Variants in UBE2Q2 observed in about 807,000 individuals in gnomAD.
UBE2Q2 encodes the protein ubiquitin-conjugating enzyme E2 Q2.
In UBE2Q2, 54 loss-of-function variants were observed where a neutral mutation model predicts 59.9. That is an observed-to-expected ratio of 0.90 (90% CI 0.72 to 1.13). UBE2Q2 has a LOEUF of 1.13. Ranked by LOEUF, UBE2Q2 falls within the 50% of genes most tolerant of loss-of-function variation. UBE2Q2 has a pLI of 0.00. For synonymous variants in UBE2Q2, 165 were observed against 155.2 expected (o/e 1.06, Z -0.47); for missense variants, 433 against 441.9 (o/e 0.98, Z 0.18).
intron 3 of UBE2Q2, among the ~76,000 whole-genome samples, chr15:75,867,084 C>T (rs1897530880): frequency 6.6e-6 from 1 of 152,268 alleles, no homozygotes; most frequent in Non-Finnish European, 1.5e-5. Context: ...GTGGCCTCCC[C>T]CTCCTGGTTT....
chr15:75,868,962 A>G lies in UBE2Q2; in HGVS notation c.399A>G (p.Thr133=), dbSNP rs1202911206. 33 of 1,612,988 alleles carry G rather than the reference A, an allele frequency of 2.0e-5. No individual in the cohort carries two copies. Among genetic ancestry groups the G allele is most frequent in the Non-Finnish European group, 2.8e-5 (33 of 1,179,256 alleles). ...TTTCTCTGTTTCAGAATGGGACAAC[A>G]GAAGAAGTGACTTCAGAAGAAGAGG... ...QPLPTGQNGT[T]EEVTSEEEEE... The change falls in exon 4 of 13, where the codon ACA becomes ACG. Residue 133 remains threonine (T), a synonymous_variant. Transcript: ENST00000267938.
intron 1 of UBE2Q2, among the ~76,000 whole-genome samples, chr15:75,849,896 T>C (rs1415315904): frequency 6.6e-6 from 1 of 152,224 alleles, no homozygotes; most frequent in Non-Finnish European, 1.5e-5. Context: ...CACCATTCAC[T>C]GTTTAAAAAC....
At position 75,843,704 on chromosome 15, in the gene UBE2Q2, T is replaced by C. The variant is rs779507056; in HGVS notation, c.38T>C (p.Leu13Pro). Reference protein sequence around the residue: ...VSGLKAELKFLASIFDKNHER... With the variant: ...VSGLKAELKFPASIFDKNHER... ...GGGCTCAAGGCCGAGCTGAAGTTCC[T>C]GGCGTCCATCTTCGACAAGAACCAC... The change falls in exon 1 of 13, where the codon CTG becomes CCG. Residue 13 changes from leucine (L) to proline (P), a missense_variant. Physicochemically the swap from Leu to Pro is moderately conservative, Grantham distance 98. Transcript: ENST00000267938. The C allele has an allele frequency of 6.2e-7, 1 of 1,611,314 alleles. No homozygotes were observed. Among genetic ancestry groups the C allele is most frequent in the Non-Finnish European group, 8.5e-7 (1 of 1,178,894 alleles).
rs775653896 is a variant in UBE2Q2, at chr15:75,876,445, TGA to T, written c.673+176_673+177del. Among the ~76,000 whole-genome samples, 260 of 152,338 alleles carry T rather than the reference TGA, an allele frequency of 1.7e-3. 1 individual carries two copies. The highest frequency in any genetic ancestry group is 2.9e-3 in the Non-Finnish European group (198 of 68,032). On this transcript the variant is annotated intron_variant, in intron 6 of 12. Transcript: ENST00000267938. ...CAAAAGATGTAGGAGTAAAATAGGA[TGA>T]GTTTACTTGTCTTTTGGATTTTTAA... is the stretch of plus-strand genomic sequence containing the variant.
At chr15:75,887,323 C>T (rs74024014) in intron 9 of UBE2Q2, among the ~76,000 whole-genome samples, 6,032 of 152,186 alleles carry the variant, frequency 0.04, 219 homozygotes, top group African/African-American at 0.094. Context: ...TAGGTGAGAT[C>T]CCAGCTGGGC....
At chr15:75,899,400 A>G (rs1447955318) in intron 12 of UBE2Q2, 27 bp from the exon 13 acceptor site, 1 of 1,533,076 alleles carries the variant, frequency 6.5e-7, no homozygotes, top group Non-Finnish European at 8.8e-7. Flanking sequence ...GAATTATTTT[A>G]ACTTTTTTTT....
intron 9 of UBE2Q2, among the ~76,000 whole-genome samples, chr15:75,884,531 G>A (rs1450185878): frequency 6.6e-6 from 1 of 152,100 alleles, no homozygotes; most frequent in African/African-American, 2.4e-5. Context: ...ATTTGGGCAT[G>A]GTGTCCATCT....
rs547644644 is a variant in UBE2Q2 at position 75,861,585 on chromosome 15, G to A, written c.387+1603G>A. On this transcript the variant is annotated intron_variant, in intron 3 of 12. Coordinates refer to ENST00000267938, the MANE Select transcript of UBE2Q2 (RefSeq NM_173469.4). ...TTTATTTGTTCATTTTGAAGTGTCCGTTAATGGGATTTTAGACCTCTTGTC... is the reference window on the plus strand; with the variant it reads ...TTTATTTGTTCATTTTGAAGTGTCCATTAATGGGATTTTAGACCTCTTGTC... Among the ~76,000 whole-genome samples, 375 of 152,012 alleles carry A rather than the reference G, an allele frequency of 2.5e-3. 2 individuals carry two copies. Among genetic ancestry groups the A allele is most frequent in the African/African-American group, 8.7e-3 (359 of 41,442 alleles).
chr15:75,874,388 G>A (rs2455900), intron 5 of UBE2Q2, among the ~76,000 whole-genome samples: 150,358 of 151,818 alleles, frequency 0.99, 74,474 homozygotes, highest in East Asian at 1. Context: ...GGTTCAAGCA[G>A]TTCTCCTGCC....
chr15:75,876,911 C>T (rs1032733744), intron 6 of UBE2Q2, among the ~76,000 whole-genome samples: 1 of 152,064 alleles, frequency 6.6e-6, no homozygotes, highest in African/African-American at 2.4e-5. Flanking sequence ...AATCCCTGCA[C>T]TTTGGGAGGC....
chr15:75,877,931 G>C (rs1898177553), intron 6 of UBE2Q2, 30 bp from the exon 7 acceptor site: 1 of 1,592,190 alleles, frequency 6.3e-7, no homozygotes, highest in South Asian at 1.1e-5. Context: ...ATGAAATGAA[G>C]AGTAGCTAAC....
chr15:75,894,010 A>G (rs1899254848), intron 11 of UBE2Q2, among the ~76,000 whole-genome samples: 1 of 152,210 alleles, frequency 6.6e-6, no homozygotes, highest in African/African-American at 2.4e-5. Context: ...TCATTCTCTG[A>G]TCTTAGTTAA....
chr15:75,855,299 T>C (rs932443406), intron 2 of UBE2Q2, among the ~76,000 whole-genome samples: 10 of 152,144 alleles, frequency 6.6e-5, no homozygotes, highest in Non-Finnish European at 1.5e-4. Context: ...GAGATCAGCC[T>C]GGCCAACATG....
intron 9 of UBE2Q2, among the ~76,000 whole-genome samples, chr15:75,888,124 G>T (rs75449835): frequency 3.3e-5 from 5 of 152,002 alleles, no homozygotes; most frequent in Non-Finnish European, 7.4e-5. Flanking sequence ...AAAACGCTTC[G>T]AAGTGTACAA....
chr15:75,869,320 A>G lies in UBE2Q2; in HGVS notation c.447+310A>G, dbSNP rs1481996913. On this transcript the variant is annotated intron_variant, in intron 4 of 12. Coordinates refer to ENST00000267938, the MANE Select transcript of UBE2Q2 (RefSeq NM_173469.4). ...TATTTGGTTATTTTTAGGAAGAGGAACTACTAAGTTTAAAAAATTTTATGT... is the reference window on the plus strand; with the variant it reads ...TATTTGGTTATTTTTAGGAAGAGGAGCTACTAAGTTTAAAAAATTTTATGT... Among the ~76,000 whole-genome samples the G allele has an allele frequency of 2.6e-5, 4 of 152,362 alleles. No homozygotes were observed. The East Asian group carries it at 7.7e-4, about 29-fold the overall frequency.
intron 1 of UBE2Q2, among the ~76,000 whole-genome samples, chr15:75,847,947 T>C (rs1179168657): frequency 1.3e-5 from 2 of 152,214 alleles, no homozygotes; most frequent in Non-Finnish European, 2.9e-5. Context: ...ATTGGTTAAT[T>C]AAATTTCTAT....
Position 75,853,623 on chromosome 15 carries a change from T to C in UBE2Q2, c.181-763T>C, listed in dbSNP as rs867346098. Among the ~76,000 whole-genome samples, 42 of 152,308 alleles carry C rather than the reference T, an allele frequency of 2.8e-4. 1 individual carries two copies. Among genetic ancestry groups the C allele is most frequent in the African/African-American group, 9.9e-4 (41 of 41,564 alleles). ...TATGGTATTTGAATTACTTTTCTATTGCTCTGTAACAAATTTATCAGCTTA... is the reference window on the plus strand; with the variant it reads ...TATGGTATTTGAATTACTTTTCTATCGCTCTGTAACAAATTTATCAGCTTA... On this transcript the variant is annotated intron_variant, in intron 1 of 12. Transcript: ENST00000267938.
intron 5 of UBE2Q2, 61 bp downstream of exon 5, chr15:75,873,629 C>T (rs1331705558): frequency 6.5e-7 from 1 of 1,537,150 alleles, no homozygotes; most frequent in African/African-American, 1.4e-5. Context: ...TAGTTAATAC[C>T]AGGCAATTCA....
chr15:75,885,701 G>A (rs1357844865), intron 9 of UBE2Q2, among the ~76,000 whole-genome samples: 2 of 152,190 alleles, frequency 1.3e-5, no homozygotes, highest in African/African-American at 2.4e-5. Context: ...AGATGTTAGA[G>A]GTTTCCTTTT....
Sources: allele counts gnomAD v4.1 joint callset (sites outside exome capture counted in the v4.1 genomes callset), GRCh38; gene constraint gnomAD v4.1.1; transcripts MANE v1.5; gene names NCBI Gene and HGNC (gene_info 2026-07-23, HGNC 2026-07-21).